The following JAK1 variants were observed in gnomAD, a reference collection of about 807,000 sequenced individuals.
JAK1 encodes the protein Janus kinase 1.
In JAK1, 16 loss-of-function variants were observed where a neutral mutation model predicts 136.6. The ratio of observed to expected loss-of-function variants is 0.12; its 90% CI spans 0.08 to 0.18. JAK1 has a LOEUF of 0.18. Among genes scored for constraint, JAK1 ranks in the 10% least tolerant of loss-of-function variants. JAK1 has a pLI of 1.00. For missense variants in JAK1, 859 were observed against 1,450.1 expected (o/e 0.59, Z 6.62); for synonymous variants, 492 against 519.5 (o/e 0.95, Z 0.72).
chr1:64,914,612 G>A (rs1425687240), intron 1 of JAK1, among the ~76,000 whole-genome samples: 2 of 152,176 alleles, frequency 1.3e-5, no homozygotes, highest in African/African-American at 2.4e-5. Context: ...CACCCAGGCT[G>A]GAGCGCAGTG....
chr1:64,950,821 G>A lies in JAK1; in HGVS notation c.-78+15512C>T, dbSNP rs142028205. 9.3e-4 allele frequency among the ~76,000 whole-genome samples: 141 copies of A among 151,948 alleles called. 1 individual carries two copies. Among genetic ancestry groups the A allele is most frequent in the Middle Eastern group, 3.4e-3 (1 of 294 alleles). ...TGACTACCTTCTGTACCATTTTATC[G>A]CTCAGTAACAAATCCAGCATGATGA... On this transcript the variant is annotated intron_variant, in intron 1 of 24. Transcript: ENST00000342505.
At chr1:64,840,611 T>C (rs1286621061) in intron 19 of JAK1, among the ~76,000 whole-genome samples, 1 of 152,170 alleles carries the variant, frequency 6.6e-6, no homozygotes, top group Non-Finnish European at 1.5e-5. Context: ...GCCTCCTTGC[T>C]TGAGGCCAGG....
At chr1:65,040,216 C>CA (rs35513384) in intron 2 of JAK1, among the ~76,000 whole-genome samples, 10,118 of 131,112 alleles carry the variant, frequency 0.077, 604 homozygotes, top group East Asian at 0.33. Context: ...ACCCTGTCTC[C>CA]AAAAAAAAAA....
At chr1:64,883,975 T>A (rs1644815943) in intron 2 of JAK1, among the ~76,000 whole-genome samples, 1 of 152,174 alleles carries the variant, frequency 6.6e-6, no homozygotes, top group African/African-American at 2.4e-5. Flanking sequence ...GGTGAGGGCA[T>A]GAACCGTATC....
intron 1 of JAK1, among the ~76,000 whole-genome samples, chr1:65,060,257 T>A (rs1647731722): frequency 6.6e-6 from 1 of 152,134 alleles, no homozygotes; most frequent in Non-Finnish European, 1.5e-5. Flanking sequence ...TAGAGTAAAA[T>A]TTTAGATAGC....
intron 2 of JAK1, among the ~76,000 whole-genome samples, chr1:65,019,462 C>A (rs1225787233): frequency 2.0e-5 from 3 of 148,030 alleles, no homozygotes; most frequent in East Asian, 2.0e-4. Flanking sequence ...GACCCCCCCC[C>A]CAATATATTT....
intron 1 of JAK1, among the ~76,000 whole-genome samples, chr1:64,944,221 CAAAAA>C (rs771660692): frequency 2.5e-4 from 16 of 63,398 alleles, no homozygotes; most frequent in African/African-American, 8.7e-4. Context: ...GACTCTGTCT[CAAAAA>C]AAAAAAAAAA....
At chr1:65,049,691 G>C (rs1002205213) in intron 1 of JAK1, among the ~76,000 whole-genome samples, 10 of 152,114 alleles carry the variant, frequency 6.6e-5, no homozygotes, top group African/African-American at 2.4e-4. Context: ...TAGCAAAAAA[G>C]CTTAAGTTCC....
chr1:64,838,447 G>A lies in JAK1; in HGVS notation c.2967+18C>T. 1.9e-6 allele frequency: 3 copies of A among 1,612,844 alleles called. No individual in the cohort carries two copies. Among genetic ancestry groups the A allele is most frequent in the South Asian group, 1.1e-5 (1 of 90,968 alleles). ...TGCCTGATGTCTTAATCTGTAACATGATGTCTTTATTTTTTACCTTACAAA... is the reference window on the plus strand; with the variant it reads ...TGCCTGATGTCTTAATCTGTAACATAATGTCTTTATTTTTTACCTTACAAA... On this transcript the variant is annotated intron_variant, in intron 21 of 24. Transcript: ENST00000342505.
At chr1:65,002,835 T>C (rs1267090998) in intron 2 of JAK1, among the ~76,000 whole-genome samples, 1 of 152,088 alleles carries the variant, frequency 6.6e-6, no homozygotes, top group African/African-American at 2.4e-5. Context: ...CCTCGCAGAG[T>C]CCCAGGAAAG....
chr1:64,994,694 A>T (rs1646688254), intron 2 of JAK1, among the ~76,000 whole-genome samples: 1 of 152,176 alleles, frequency 6.6e-6, no homozygotes, highest in East Asian at 1.9e-4. Context: ...TGGGGCACAC[A>T]TTCAAACCGC....
At chr1:64,885,547 A>G (rs545740445) in intron 2 of JAK1, among the ~76,000 whole-genome samples, 1 of 152,284 alleles carries the variant, frequency 6.6e-6, no homozygotes, top group South Asian at 2.1e-4. Flanking sequence ...AGGTCACGAG[A>G]TTGAGACCAG....
chr1:65,052,262 T>C (rs1357364004), intron 1 of JAK1, among the ~76,000 whole-genome samples: 2 of 151,104 alleles, frequency 1.3e-5, no homozygotes, highest in Non-Finnish European at 3.0e-5. Context: ...TACTTGGCAA[T>C]CTCCTCCAGT....
intron 2 of JAK1, among the ~76,000 whole-genome samples, chr1:65,014,974 C>T (rs61409753): frequency 0.066 from 10,032 of 152,042 alleles, 489 homozygotes; most frequent in Admixed American, 0.16. Context: ...CTTGAGCCAC[C>T]GCGCCCGGCC....
At chr1:64,852,534 G>A (rs967395266) in intron 11 of JAK1, among the ~76,000 whole-genome samples, 1 of 152,184 alleles carries the variant, frequency 6.6e-6, no homozygotes, top group Non-Finnish European at 1.5e-5. Context: ...CTCAACTCAG[G>A]AGAAAAGGCA....
chr1:64,869,262 A>G (rs368229607), intron 6 of JAK1, 49 bp downstream of exon 6: 1 of 1,570,606 alleles, frequency 6.4e-7, no homozygotes, highest in East Asian at 2.2e-5. Context: ...GAACATGTAG[A>G]AACACCACCA....
chr1:64,981,828 C>T (rs1471130586), intron 2 of JAK1, among the ~76,000 whole-genome samples: 1 of 152,140 alleles, frequency 6.6e-6, no homozygotes, highest in Non-Finnish European at 1.5e-5. Flanking sequence ...CTTCAAAGCT[C>T]CTGTTCTTTT....
intron 2 of JAK1, among the ~76,000 whole-genome samples, chr1:65,019,333 C>G (rs1423988925): frequency 1.3e-5 from 2 of 150,880 alleles, no homozygotes; most frequent in Non-Finnish European, 2.9e-5. Context: ...CTGAATCCAG[C>G]AATACAAAAA....
chr1:64,939,428 T>G (rs1012697609), intron 1 of JAK1, among the ~76,000 whole-genome samples: 3 of 152,240 alleles, frequency 2.0e-5, no homozygotes, highest in African/African-American at 7.2e-5. Context: ...TTTCACAGTT[T>G]GCAGAAGTTT....
Sources: allele counts gnomAD v4.1 joint callset (sites outside exome capture counted in the v4.1 genomes callset), GRCh38; gene constraint gnomAD v4.1.1; transcripts MANE v1.5; gene names NCBI Gene and HGNC (gene_info 2026-07-23, HGNC 2026-07-21).